LTF: variants seen among roughly 807,000 people sequenced by gnomAD.
LTF encodes lactotransferrin, also known as epididymis luminal protein 110.
LTF carries 91 observed loss-of-function variants against 87.2 expected under a neutral mutation model. The observed-to-expected ratio is 1.04, with a 90% CI of 0.88 to 1.24. The LOEUF is 1.24. Among genes scored for constraint, LTF ranks in the 50% most tolerant of loss-of-function variants. LTF has a pLI of 0.00. For missense variants in LTF, 901 were observed against 904.3 expected (o/e 1.00, Z 0.05); for synonymous variants, 378 against 356.1 (o/e 1.06, Z -0.69).
intron 1 of LTF, among the ~76,000 whole-genome samples, chr3:46,482,710 AAGAAAGAG>A (rs1703463106): frequency 8.6e-6 from 1 of 116,554 alleles, no homozygotes; most frequent in Non-Finnish European, 1.8e-5. Flanking sequence ...GAAGGAAAGA[AAGAAAGAG>A]AAAGAAAGGA....
intron 15 of LTF, 51 bp from the exon 16 acceptor site, chr3:46,438,180 G>A: frequency 6.9e-7 from 1 of 1,452,368 alleles, no homozygotes; most frequent in Non-Finnish European, 9.6e-7. Context: ...GGAATTTATG[G>A]GTTAAAGGAG....
At chr3:46,460,377 T>C (rs1703049368) in intron 1 of LTF, among the ~76,000 whole-genome samples, 1 of 152,218 alleles carries the variant, frequency 6.6e-6, no homozygotes, top group African/African-American at 2.4e-5. Flanking sequence ...AGGTAAATGG[T>C]AAGTCAGTGT....
intron 4 of LTF, 79 bp downstream of exon 4, chr3:46,455,717 C>T: frequency 6.9e-7 from 1 of 1,445,348 alleles, no homozygotes; most frequent in Middle Eastern, 1.9e-4. Context: ...CTTTCACCTG[C>T]ATGATCTGTG....
At chr3:46,469,271 C>T (rs1005734805), upstream of LTF, among the ~76,000 whole-genome samples, 10 of 152,222 alleles carry the variant, frequency 6.6e-5, no homozygotes, top group South Asian at 2.1e-4. Context: ...GGGCTTTCTC[C>T]TCCATGAGCC....
At chr3:46,465,846 C>T (rs1239149508), upstream of LTF, among the ~76,000 whole-genome samples, 2 of 152,342 alleles carry the variant, frequency 1.3e-5, no homozygotes, top group South Asian at 2.1e-4. Context: ...GCAAACTAAA[C>T]ATCCATCTCT....
intron 8 of LTF, among the ~76,000 whole-genome samples, chr3:46,449,498 G>C (rs1214488032): frequency 1.3e-5 from 2 of 152,106 alleles, no homozygotes; most frequent in Non-Finnish European, 2.9e-5. Flanking sequence ...CCCCCACCAT[G>C]GTGTCCCCAA....
At chr3:46,449,785 G>T in intron 8 of LTF, 69 bp downstream of exon 8, 1 of 1,557,726 alleles carries the variant, frequency 6.4e-7, no homozygotes, top group Non-Finnish European at 8.8e-7. Flanking sequence ...CCGCCACAAA[G>T]TAGGGCCACC....
chr3:46,436,931 C>G (rs748938588), intron 16 of LTF, among the ~76,000 whole-genome samples: 4 of 152,222 alleles, frequency 2.6e-5, no homozygotes, highest in Admixed American at 1.3e-4. Flanking sequence ...CAGCAGCACC[C>G]TCTATGTTGT....
intron 13 of LTF, chr3:46,441,931 GAGAGTGTGTGTGTGTGT>G: frequency 2.6e-5 from 1 of 39,040 alleles, no homozygotes; most frequent in African/African-American, 9.0e-5. Context: ...GAGAGAGAGA[GAGAGTGTGTGTGTGTGT>G]GTGTGTGTGT....
chr3:46,481,902 GT>G (rs577414430), intron 1 of LTF, among the ~76,000 whole-genome samples: 61 of 152,116 alleles, frequency 4.0e-4, no homozygotes, highest in Non-Finnish European at 7.4e-4. Context: ...TGAAAATAGA[GT>G]TCCAACAAGA....
At chr3:46,475,566 A>ACC (rs1703350850) in intron 1 of LTF, among the ~76,000 whole-genome samples, 3 of 116,118 alleles carry the variant, frequency 2.6e-5, no homozygotes, top group South Asian at 3.0e-4. Flanking sequence ...ACACACACAC[A>ACC]CCCTCTCTTC....
chr3:46,479,834 G>A, intron 1 of LTF, among the ~76,000 whole-genome samples: 1 of 152,192 alleles, frequency 6.6e-6, no homozygotes, highest in East Asian at 1.9e-4. Context: ...GGCCAGAAGT[G>A]GCTTTGATTA....
intron 1 of LTF, 151 bp from the exon 2 acceptor site, chr3:46,459,970 AGT>A (rs1703039534): frequency 6.0e-6 from 3 of 498,906 alleles, no homozygotes; most frequent in Non-Finnish European, 1.0e-5. Flanking sequence ...ATTCTCCACA[AGT>A]GGAGGCATCT....
intron 1 of LTF, among the ~76,000 whole-genome samples, chr3:46,482,608 AGAAG>A (rs1703453069): frequency 8.7e-6 from 1 of 114,396 alleles, no homozygotes; most frequent in Non-Finnish European, 1.8e-5. Flanking sequence ...AAAGAAAGAA[AGAAG>A]AAAGAAAGAA....
At position 46,435,819 on chromosome 3, in the gene LTF, A is replaced by T. The variant is rs1702372769; in HGVS notation, c.*376T>A. ...GACAGCTATGTGAATAACCAACAAG[A>T]TCCCCTTAGGAAAACCGGTGCTTGG... On this transcript the variant is annotated 3_prime_UTR_variant, in exon 17 of 17. Transcript: ENST00000231751. 2 of 281,482 alleles carry T rather than the reference A, an allele frequency of 7.1e-6. No homozygotes were observed. The highest frequency in any genetic ancestry group is 1.4e-5 in the Non-Finnish European group (2 of 146,604). The allele number at this position is 281,482 out of a possible 1,614,324, so 17.4% of individuals were successfully genotyped here. A position where few individuals can be genotyped will look rare whatever the true frequency, so the allele number is the denominator to read the frequency against.
intron 2 of LTF, among the ~76,000 whole-genome samples, chr3:46,457,294 G>C (rs1702961279): frequency 6.6e-6 from 1 of 152,204 alleles, no homozygotes; most frequent in Non-Finnish European, 1.5e-5. Context: ...ACAGCATAAT[G>C]TTTTCTCATA....
chr3:46,463,651 C>G (rs1371947284), intron 1 of LTF: 16 of 985,444 alleles, frequency 1.6e-5, no homozygotes, highest in Non-Finnish European at 1.9e-5. Context: ...AGTGGTGCAA[C>G]TCTGAGCCAG....
intron 7 of LTF, 107 bp from the exon 8 acceptor site, chr3:46,450,135 G>T: frequency 1.1e-6 from 1 of 940,726 alleles, no homozygotes; most frequent in Non-Finnish European, 1.6e-6. Flanking sequence ...CTAACTGAGA[G>T]CAGGAGCCTC....
At chr3:46,469,968 C>T (rs1703262562) in intron 2 of LTF, among the ~76,000 whole-genome samples, 1 of 152,180 alleles carries the variant, frequency 6.6e-6, no homozygotes. Flanking sequence ...CTTCCCTCCC[C>T]TCACCTAACC....
Sources: allele counts gnomAD v4.1 joint callset (sites outside exome capture counted in the v4.1 genomes callset), GRCh38; gene constraint gnomAD v4.1.1; transcripts MANE v1.5; gene names NCBI Gene and HGNC (gene_info 2026-07-23, HGNC 2026-07-21).